The following MGST3 variants were observed in gnomAD, a reference collection of about 807,000 sequenced individuals.
The protein encoded by MGST3 is glutathione S-transferase 3, mitochondrial.
In MGST3, 13 loss-of-function variants were observed where a neutral mutation model predicts 15.8. The ratio of observed to expected loss-of-function variants is 0.82; its 90% confidence interval spans 0.54 to 1.31. The LOEUF (loss-of-function observed/expected upper bound fraction) is 1.31. Ranked by LOEUF, MGST3 falls within the 50% of genes most tolerant of loss-of-function variation. The pLI is 0.00. For missense variants in MGST3, 155 were observed against 192.4 expected (o/e 0.81, Z 1.15); for synonymous variants, 49 against 68.1 (o/e 0.72, Z 1.38).
At chr1:165,650,078 G>T in intron 2 of MGST3, 114 bp downstream of exon 2, 1 of 1,491,200 alleles carries the variant, frequency 6.7e-7, no homozygotes, top group African/African-American at 1.4e-5. Context: ...GTGAGAAGTG[G>T]CAGTTTCAGG....
At position 165,639,961 on chromosome 1, in the gene MGST3, C is replaced by G. The variant is rs184521632; in HGVS notation, c.-8+8668C>G. Reference sequence around the variant, plus strand: ...AAGTCCTACTGATTCATTAAATAGGCCTTTCATTTGAAGTCATGTTTCTAA... The same window carrying G: ...AAGTCCTACTGATTCATTAAATAGGGCTTTCATTTGAAGTCATGTTTCTAA... On this transcript the variant is annotated intron_variant, in intron 1 of 5. Coordinates refer to ENST00000367889, the MANE Select transcript of MGST3 (RefSeq NM_004528.4). Among the ~76,000 whole-genome samples the G allele has an allele frequency of 4.4e-4, 67 of 152,278 alleles. No individual in the cohort carries two copies. The East Asian group carries it at 7.3e-3, about 17-fold the overall frequency.
At chr1:165,632,636 T>C (rs1266746706) in intron 1 of MGST3, among the ~76,000 whole-genome samples, 4 of 152,184 alleles carry the variant, frequency 2.6e-5, no homozygotes. Flanking sequence ...TTTTAACCAA[T>C]GTTACTATAT....
chr1:165,639,764 C>T (rs368870725), intron 1 of MGST3, among the ~76,000 whole-genome samples: 1 of 152,144 alleles, frequency 6.6e-6, no homozygotes, highest in African/African-American at 2.4e-5. Flanking sequence ...GATAGCACCC[C>T]TACACTCCAG....
intron 1 of MGST3, among the ~76,000 whole-genome samples, chr1:165,644,121 C>G (rs1034419306): frequency 6.6e-6 from 1 of 151,544 alleles, no homozygotes; most frequent in Non-Finnish European, 1.5e-5. Context: ...ATACTTCCCT[C>G]AACAGTGTAG....
In MGST3 at chr1:165,652,053, T is replaced by C. The variant is rs1313435910; in HGVS notation, c.249+18T>C. On this transcript the variant is annotated intron_variant, in intron 4 of 5. Coordinates refer to ENST00000367889, the MANE Select transcript of MGST3 (RefSeq NM_004528.4). Reference sequence around the variant, plus strand: ...ACCACCCGGTAAGTTTTCCAGGAGGTGTTCATCTATTTGGATAGTAGTTCA... The same window carrying C: ...ACCACCCGGTAAGTTTTCCAGGAGGCGTTCATCTATTTGGATAGTAGTTCA... 1 of 1,585,518 alleles carries C rather than the reference T, an allele frequency of 6.3e-7. No homozygotes were observed. The highest frequency in any genetic ancestry group is 8.7e-7 in the Non-Finnish European group (1 of 1,154,392).
At chr1:165,643,016 G>A (rs1371272331) in intron 1 of MGST3, among the ~76,000 whole-genome samples, 3 of 152,038 alleles carry the variant, frequency 2.0e-5, no homozygotes, top group Admixed American at 6.6e-5. Flanking sequence ...GCTCATTTTG[G>A]AAATTACAGA....
At position 165,655,349 on chromosome 1, in the gene MGST3, G is replaced by A; in HGVS notation, c.323-19G>A. On this transcript the variant is annotated intron_variant, in intron 5 of 5. Coordinates refer to ENST00000367889, the MANE Select transcript of MGST3 (RefSeq NM_004528.4). ...TTCTGGAGCACTCCTGGTAACTTCT[G>A]TTCTTTCTTCTTTTTCAGAACCCAG... is the stretch of plus-strand genomic sequence containing the variant. The A allele has an allele frequency of 6.2e-7, 1 of 1,613,776 alleles. No homozygotes were observed. The highest frequency in any genetic ancestry group is 8.5e-7 in the Non-Finnish European group (1 of 1,179,824).
At chr1:165,637,640 A>G (rs1489399290) in intron 1 of MGST3, among the ~76,000 whole-genome samples, 1 of 152,220 alleles carries the variant, frequency 6.6e-6, no homozygotes, top group Admixed American at 6.5e-5. Flanking sequence ...TGGCAGAAGC[A>G]AGAATTAGAG....
intron 1 of MGST3, chr1:165,647,343 T>C (rs963430824): frequency 1.3e-5 from 2 of 152,224 alleles, no homozygotes; most frequent in South Asian, 2.1e-4. Flanking sequence ...ACTTCTCTTA[T>C]CTTGCCATCT....
intron 1 of MGST3, among the ~76,000 whole-genome samples, chr1:165,636,319 G>A (rs1022584442): frequency 2.2e-4 from 34 of 152,122 alleles, no homozygotes; most frequent in African/African-American, 8.2e-4. Flanking sequence ...GGGATTACAG[G>A]TGTGCACTAC....
intron 2 of MGST3, chr1:165,650,187 G>C (rs9333468): frequency 1.7e-6 from 1 of 589,832 alleles, no homozygotes; most frequent in Non-Finnish European, 3.0e-6. Flanking sequence ...TTGTCTCTTC[G>C]GTAGAAAGAC....
chr1:165,639,478 A>G (rs1033188329), intron 1 of MGST3, among the ~76,000 whole-genome samples: 1 of 152,200 alleles, frequency 6.6e-6, no homozygotes, highest in African/African-American at 2.4e-5. Flanking sequence ...GTGTTAAAAT[A>G]TCTAAACTCT....
At chr1:165,632,669 G>T (rs1365372943) in intron 1 of MGST3, among the ~76,000 whole-genome samples, 15 of 151,724 alleles carry the variant, frequency 9.9e-5, no homozygotes, top group Admixed American at 6.6e-5. Flanking sequence ...GGAGACTGTC[G>T]CCAACTATAG....
chr1:165,649,073 T>C (rs1398966081), intron 1 of MGST3: 1 of 152,104 alleles, frequency 6.6e-6, no homozygotes, highest in Non-Finnish European at 1.5e-5. Context: ...GTGGAAGCCT[T>C]TGAAGTGATG....
chr1:165,640,340 G>A (rs143908801), intron 1 of MGST3, among the ~76,000 whole-genome samples: 13 of 152,130 alleles, frequency 8.5e-5, no homozygotes, highest in African/African-American at 2.7e-4. Flanking sequence ...AACAGTCTCT[G>A]ATCTCATCAG....
intron 1 of MGST3, chr1:165,648,976 G>C (rs1283241650): frequency 6.6e-6 from 1 of 152,202 alleles, no homozygotes; most frequent in Non-Finnish European, 1.5e-5. Context: ...AACTCTCCTA[G>C]GTTAAAAGCA....
rs1648510252 is a variant in MGST3, at chr1:165,650,026, G to T, written c.117+62G>T. On this transcript the variant is annotated intron_variant, in intron 2 of 5. Transcript: ENST00000367889. ...GTCTGGGGGCCACAGGCTTAGCCAA[G>T]AACTTATTTTCAGCCATGGAGGGAG... 11 of 1,609,200 alleles carry T rather than the reference G, an allele frequency of 6.8e-6. No homozygotes were observed. The East Asian group carries it at 8.9e-5, about 13-fold the overall frequency.
chr1:165,639,736 G>A (rs1001790799), intron 1 of MGST3, among the ~76,000 whole-genome samples: 1 of 152,232 alleles, frequency 6.6e-6, no homozygotes, highest in East Asian at 1.9e-4. Context: ...CCGGGAGGCA[G>A]AGGCTGCAGT....
intron 1 of MGST3, among the ~76,000 whole-genome samples, chr1:165,644,340 A>G (rs1648337047): frequency 6.6e-6 from 1 of 152,232 alleles, no homozygotes; most frequent in Non-Finnish European, 1.5e-5. Flanking sequence ...ATGTTACTGT[A>G]CTGAATACCA....
Sources: allele counts gnomAD v4.1 joint callset (sites outside exome capture counted in the v4.1 genomes callset), GRCh38; gene constraint gnomAD v4.1.1; transcripts MANE v1.5; gene names NCBI Gene and HGNC (gene_info 2026-07-23, HGNC 2026-07-21).